Variants in INO80D observed in about 807,000 individuals in gnomAD.
INO80D encodes the protein INO80 complex subunit D.
Under a neutral mutation model 87.6 loss-of-function variants are expected in INO80D, and 21 were observed. That is an observed-to-expected ratio of 0.24 (90% CI 0.17 to 0.35). INO80D has a LOEUF of 0.35. INO80D is among the 10% of genes least tolerant of loss of function. The pLI is 1.00. For synonymous variants in INO80D, 440 were observed against 491.0 expected (o/e 0.90, Z 1.37); for missense variants, 982 against 1,280.7 (o/e 0.77, Z 3.56).
chr2:206,058,300 TCCCAGCTA>T (rs991813834), intron 3 of INO80D, among the ~76,000 whole-genome samples: 1 of 151,034 alleles, frequency 6.6e-6, no homozygotes, highest in Non-Finnish European at 1.5e-5. Flanking sequence ...GAGCCTGTAG[TCCCAGCTA>T]CTCGGGAGGC....
intron 5 of INO80D, among the ~76,000 whole-genome samples, chr2:206,032,943 A>G (rs1688805527): frequency 6.6e-6 from 1 of 152,240 alleles, no homozygotes; most frequent in Non-Finnish European, 1.5e-5. Context: ...AAAAGTACAC[A>G]GGCAACAAAG....
intron 1 of INO80D, among the ~76,000 whole-genome samples, chr2:206,073,169 T>C (rs974120655): frequency 6.6e-6 from 1 of 152,146 alleles, no homozygotes; most frequent in African/African-American, 2.4e-5. Flanking sequence ...TATTGTAGTA[T>C]CAAAATCACT....
At position 206,063,257 on chromosome 2, in the gene INO80D, CA is replaced by C. The variant is rs200431231; in HGVS notation, c.-123-14del. On this transcript the variant is annotated splice_polypyrimidine_tract_variant and intron_variant, in intron 1 of 10. Coordinates refer to ENST00000403263, the MANE Select transcript of INO80D (RefSeq NM_017759.5). The stretch of plus-strand genomic sequence containing the variant: ...TGAAGCAGATTGTCTATAAAAATAT[CA>C]AAAGGCCTAGTTAACAAACAGAAAT... 1.9e-6 allele frequency: 1 copy of C among 539,500 alleles called. No individual in the cohort carries two copies. Among genetic ancestry groups the C allele is most frequent in the East Asian group, 3.3e-5 (1 of 30,454 alleles). 33.4% of individuals were successfully genotyped at this position (539,500 alleles called of 1,614,324 possible).
rs1426019717 is a variant in INO80D at position 205,996,302 on chromosome 2, G to A, written c.*8066C>T. On this transcript the variant is annotated 3_prime_UTR_variant, in exon 11 of 11. Transcript: ENST00000403263. ...TGGCTAGAAGAGACAGAATTAAGGG[G>A]GAAAAAAACCACAATGATGTGTGAT... 3 of 147,112 alleles carry A rather than the reference G, an allele frequency of 2.0e-5. No homozygotes were observed. Among genetic ancestry groups the A allele is most frequent in the Non-Finnish European group, 4.5e-5 (3 of 66,986 alleles). 9.1% of individuals were successfully genotyped at this position (147,112 alleles called of 1,614,324 possible). A position where few individuals can be genotyped will look rare whatever the true frequency, so the allele number is the denominator to read the frequency against.
chr2:206,074,852 T>A (rs1298152917), intron 1 of INO80D, among the ~76,000 whole-genome samples: 6 of 151,342 alleles, frequency 4.0e-5, no homozygotes, highest in Admixed American at 6.6e-5. Context: ...GGCAGGAGAA[T>A]CGCTTAAACC....
In INO80D at chr2:206,005,135, T is replaced by G; in HGVS notation, c.2317A>C (p.Ser773Arg). The stretch of plus-strand genomic sequence containing the variant: ...GGGAAGGCTCTCTCCCCAAGTGCAC[T>G]CTGGCTGATCAGAGTGGCAGAAGTA... ...GLTSATLISQSALGERAFPGQ... is the reference protein window; with the variant it reads ...GLTSATLISQRALGERAFPGQ... Residue 773 changes from serine to arginine, a missense_variant, in exon 11 of 11, where the codon AGT becomes CGT. Ser to Arg is a moderately radical substitution (Grantham distance 110). Coordinates refer to ENST00000403263, the MANE Select transcript of INO80D (RefSeq NM_017759.5). 1 of 1,613,976 alleles carries G rather than the reference T, an allele frequency of 6.2e-7. No homozygotes were observed. The highest frequency in any genetic ancestry group is 2.2e-5 in the East Asian group (1 of 44,880).
chr2:206,080,342 G>C (rs1343393339), intron 1 of INO80D, among the ~76,000 whole-genome samples: 1 of 152,162 alleles, frequency 6.6e-6, no homozygotes, highest in Non-Finnish European at 1.5e-5. Context: ...AAACCTGAAA[G>C]AGCGGAACGA....
chr2:206,055,051 T>G (rs926963233), intron 4 of INO80D, among the ~76,000 whole-genome samples: 1 of 152,252 alleles, frequency 6.6e-6, no homozygotes, highest in Non-Finnish European at 1.5e-5. Flanking sequence ...TTTCACAATC[T>G]GGTAATTCAT....
At chr2:206,075,766 G>A (rs369409206) in intron 1 of INO80D, among the ~76,000 whole-genome samples, 2 of 151,188 alleles carry the variant, frequency 1.3e-5, no homozygotes, top group Non-Finnish European at 1.5e-5. Context: ...TAAAACTAGC[G>A]TGAGATGCCA....
chr2:206,003,151 C>T lies in INO80D; in HGVS notation c.*1217G>A, dbSNP rs1252327879. The T allele has an allele frequency of 6.6e-6, 1 of 152,098 alleles. No individual in the cohort carries two copies. The highest frequency in any genetic ancestry group is 2.4e-5 in the African/African-American group (1 of 41,404). The allele number at this position is 152,098 out of a possible 1,614,324, so 9.4% of individuals were successfully genotyped here. A position where few individuals can be genotyped will look rare whatever the true frequency, so the allele number is the denominator to read the frequency against. On this transcript the variant is annotated 3_prime_UTR_variant, in exon 11 of 11. Coordinates refer to ENST00000403263, the MANE Select transcript of INO80D (RefSeq NM_017759.5). ...GCGAATAAAATTTATATCTAATTTC[C>T]ATATTCTGCTTTGAAAGAAACTTTA...
At chr2:206,083,603 C>CA (rs1435299667) in intron 1 of INO80D, among the ~76,000 whole-genome samples, 2 of 151,996 alleles carry the variant, frequency 1.3e-5, no homozygotes, top group Non-Finnish European at 2.9e-5. Context: ...TGTGGAGAAA[C>CA]AGAGTTTGAT....
At chr2:206,070,301 G>A (rs1257862205) in intron 1 of INO80D, among the ~76,000 whole-genome samples, 5 of 151,546 alleles carry the variant, frequency 3.3e-5, no homozygotes, top group African/African-American at 1.2e-4. Flanking sequence ...GCATGTGCCT[G>A]TAGTCCTGGT....
chr2:206,050,796 C>T (rs377004936), intron 4 of INO80D, among the ~76,000 whole-genome samples: 3 of 151,972 alleles, frequency 2.0e-5, no homozygotes, highest in Admixed American at 1.3e-4. Flanking sequence ...GTGAAACCCC[C>T]GTCTCTACTA....
At position 206,004,536 on chromosome 2, in the gene INO80D, G is replaced by T; in HGVS notation, c.2916C>A (p.Leu972=). The T allele has an allele frequency of 6.2e-7, 1 of 1,611,192 alleles. No homozygotes were observed. Among genetic ancestry groups the T allele is most frequent in the Non-Finnish European group, 8.5e-7 (1 of 1,178,724 alleles). The part of the protein sequence containing the change: ...LMASTSPKQQ[L]PQFSAAFGHQ... ...GGCCAAAGGCTGCGCTGAACTGAGGGAGTTGCTGCTTGGGAGAGGTGGAGG... is the reference window on the plus strand; with the variant it reads ...GGCCAAAGGCTGCGCTGAACTGAGGTAGTTGCTGCTTGGGAGAGGTGGAGG... Residue 972 remains leucine, a synonymous_variant, in exon 11 of 11, where the codon CTC becomes CTA. Transcript: ENST00000403263. This position sits in a 1 kb window ranked among gnomAD's most constrained non-coding sequence, Gnocchi z 4.9.
At chr2:206,029,951 A>C (rs1688716726) in intron 5 of INO80D, among the ~76,000 whole-genome samples, 2 of 152,238 alleles carry the variant, frequency 1.3e-5, no homozygotes, top group African/African-American at 4.8e-5. Context: ...TGAGCACTTA[A>C]AAGTTTCAGA....
Position 205,994,930 on chromosome 2 carries a change from T to C in INO80D, c.*9438A>G, listed in dbSNP as rs1222224841. The C allele has an allele frequency of 6.6e-6, 1 of 150,766 alleles. No homozygotes were observed. Among genetic ancestry groups the C allele is most frequent in the African/African-American group, 2.4e-5 (1 of 41,010 alleles). The allele number at this position is 150,766 out of a possible 1,614,324, so 9.3% of individuals were successfully genotyped here. A position where few individuals can be genotyped will look rare whatever the true frequency, so the allele number is the denominator to read the frequency against. Reference sequence around the variant, plus strand: ...AAGAAAAAAGAGTTTGGGAGGGCCCTTAACTAAAATGTGCTTAAGACAGCT... The same window carrying C: ...AAGAAAAAAGAGTTTGGGAGGGCCCCTAACTAAAATGTGCTTAAGACAGCT... On this transcript the variant is annotated 3_prime_UTR_variant, in exon 11 of 11. Transcript: ENST00000403263.
At chr2:206,020,785 G>A (rs992960144) in intron 6 of INO80D, among the ~76,000 whole-genome samples, 8 of 151,934 alleles carry the variant, frequency 5.3e-5, no homozygotes, top group South Asian at 2.1e-4. Context: ...TCTATAATAC[G>A]TATTCATTTT....
At position 206,085,176 on chromosome 2, in the gene INO80D, A is replaced by G. The variant is rs1215321707; in HGVS notation, c.-124+725T>C. Among the ~76,000 whole-genome samples, 1 of 152,074 alleles carries G rather than the reference A, an allele frequency of 6.6e-6. No homozygotes were observed. The highest frequency in any genetic ancestry group is 1.5e-5 in the Non-Finnish European group (1 of 67,972). On this transcript the variant is annotated intron_variant, in intron 1 of 10. Coordinates refer to ENST00000403263, the MANE Select transcript of INO80D (RefSeq NM_017759.5). The surrounding 1 kb of genome is among the most constrained non-coding windows in gnomAD (Gnocchi z 4.5). ...CAGCGGCCCCCAGTTCGGGCCTAAA[A>G]GGAAACTTTCTGGGCCGCGGCTGCA...
intron 1 of INO80D, among the ~76,000 whole-genome samples, chr2:206,072,966 T>C (rs1176868526): frequency 6.6e-6 from 1 of 151,960 alleles, no homozygotes; most frequent in Non-Finnish European, 1.5e-5. Flanking sequence ...GCCTCCCAAG[T>C]AGCTGGGACT....
Sources: allele counts gnomAD v4.1 joint callset (sites outside exome capture counted in the v4.1 genomes callset), GRCh38; gene constraint gnomAD v4.1.1; non-coding constraint Gnocchi (gnomAD v3.1); transcripts MANE v1.5; gene names NCBI Gene and HGNC (gene_info 2026-07-23, HGNC 2026-07-21).